Variants in SBF2 observed in about 807,000 individuals in gnomAD.
SBF2 encodes the protein myotubularin-related protein 13.
Under a neutral mutation model 225.2 loss-of-function variants are expected in SBF2, and 112 were observed. That is an observed-to-expected ratio of 0.50 (90% CI 0.43 to 0.58). The LOEUF (loss-of-function observed/expected upper bound fraction) is 0.58. Ranked by LOEUF, SBF2 falls within the 20% of genes least tolerant of loss-of-function variation. SBF2 has a pLI of 0.00. For synonymous variants in SBF2, 763 were observed against 773.3 expected, an observed-to-expected ratio of 0.99 and a Z score of 0.22; for missense variants, 1,996 against 2,206.2, an observed-to-expected ratio of 0.90 and a Z score of 1.91.
At chr11:9,798,751 C>A (rs1013497299) in intron 32 of SBF2, among the ~76,000 whole-genome samples, 13 of 152,096 alleles carry the variant, frequency 8.5e-5, no homozygotes, top group Non-Finnish European at 1.0e-4. Flanking sequence ...TTGAGACCAT[C>A]CTGGTTAACA....
chr11:10,199,132 T>A (rs926681095), intron 1 of SBF2, among the ~76,000 whole-genome samples: 29 of 152,302 alleles, frequency 1.9e-4, no homozygotes, highest in African/African-American at 5.1e-4. Flanking sequence ...ATTCTTCCTT[T>A]CACTTGACCA....
chr11:10,146,153 G>T (rs866083361), intron 2 of SBF2, among the ~76,000 whole-genome samples: 8 of 152,114 alleles, frequency 5.3e-5, no homozygotes, highest in Non-Finnish European at 1.0e-4. Flanking sequence ...ATTGCCCAAA[G>T]AAATTTATAG....
chr11:10,036,254 C>A (rs1174141722), intron 3 of SBF2, among the ~76,000 whole-genome samples: 1 of 151,900 alleles, frequency 6.6e-6, no homozygotes, highest in African/African-American at 2.4e-5. Context: ...CACACTGGGG[C>A]CTGTCAGTGG....
chr11:9,971,889 T>C (rs1946475115), intron 13 of SBF2, among the ~76,000 whole-genome samples: 1 of 152,224 alleles, frequency 6.6e-6, no homozygotes, highest in Admixed American at 6.5e-5. Context: ...TAATAATTAA[T>C]ACAGTACAAC....
At chr11:10,210,982 C>T (rs1478319151) in intron 1 of SBF2, among the ~76,000 whole-genome samples, 3 of 117,146 alleles carry the variant, frequency 2.6e-5, no homozygotes, top group Non-Finnish European at 5.0e-5. Context: ...CACTGCACTC[C>T]AGCCTGGGCG....
At chr11:9,980,306 A>AG (rs1017802129) in intron 13 of SBF2, among the ~76,000 whole-genome samples, 1 of 150,874 alleles carries the variant, frequency 6.6e-6, no homozygotes, top group African/African-American at 2.4e-5. Context: ...AAAAAAAAAA[A>AG]AAAAAAATTT....
intron 1 of SBF2, among the ~76,000 whole-genome samples, chr11:10,279,414 A>AC (rs1183811304): frequency 1.8e-5 from 1 of 56,034 alleles, no homozygotes; most frequent in Non-Finnish European, 4.6e-5. Flanking sequence ...ACTCCATCTC[A>AC]AAAAAAAAAA....
At chr11:10,189,971 G>C (rs1006826151) in intron 2 of SBF2, among the ~76,000 whole-genome samples, 3 of 152,098 alleles carry the variant, frequency 2.0e-5, no homozygotes, top group Non-Finnish European at 4.4e-5. Context: ...GACCAACATG[G>C]TGAAACCCTG....
chr11:9,828,911 C>G, intron 28 of SBF2, among the ~76,000 whole-genome samples: 1 of 149,642 alleles, frequency 6.7e-6, no homozygotes, highest in East Asian at 1.9e-4. Context: ...AATAACTGAG[C>G]TGGGTATGAT....
At chr11:10,289,984 T>C (rs892161516) in intron 1 of SBF2, among the ~76,000 whole-genome samples, 12 of 152,118 alleles carry the variant, frequency 7.9e-5, no homozygotes, top group African/African-American at 2.4e-4. Context: ...ACCAGCATCA[T>C]TGCTGCTCCC....
chr11:10,184,163 G>A (rs1956842517), intron 2 of SBF2, among the ~76,000 whole-genome samples: 1 of 152,044 alleles, frequency 6.6e-6, no homozygotes, highest in African/African-American at 2.4e-5. Context: ...GATAACACAT[G>A]CTTTTCTTTC....
At chr11:10,177,882 C>A (rs1956540686) in intron 2 of SBF2, among the ~76,000 whole-genome samples, 1 of 149,978 alleles carries the variant, frequency 6.7e-6, no homozygotes, top group South Asian at 2.1e-4. Flanking sequence ...CCTGCATTGC[C>A]AAGACAATCC....
chr11:9,797,846 G>T (rs1853225913), intron 32 of SBF2, among the ~76,000 whole-genome samples: 1 of 152,146 alleles, frequency 6.6e-6, no homozygotes, highest in Admixed American at 6.5e-5. Flanking sequence ...GGTGGCACGT[G>T]CCTGTAGCCC....
In SBF2 at chr11:9,999,279, CTGTATGTATGTA is replaced by C. The variant is rs3073236; in HGVS notation, c.862-912_862-901del. Reference sequence around the variant, plus strand: ...ACTTGGTTGGTCCTACCTCCAGTGACTGTATGTATGTATGTATGTATGTATGTATGTATGTAT... The same window carrying C: ...ACTTGGTTGGTCCTACCTCCAGTGACTGTATGTATGTATGTATGTATGTAT... On this transcript the variant is annotated intron_variant, in intron 8 of 39. Transcript: ENST00000256190. Among the ~76,000 whole-genome samples, 294 of 146,866 alleles carry C rather than the reference CTGTATGTATGTA, an allele frequency of 2.0e-3. 2 individuals are homozygous for C. The highest frequency in any genetic ancestry group is 4.6e-3 in the African/African-American group (183 of 39,942).
upstream of SBF2, among the ~76,000 whole-genome samples, chr11:10,298,881 T>C (rs1384565997): frequency 6.6e-6 from 1 of 152,198 alleles, no homozygotes; most frequent in Non-Finnish European, 1.5e-5. Context: ...TTCTTAACTG[T>C]TTTCCCAGCT....
At chr11:9,996,036 G>A (rs1484001743) in intron 9 of SBF2, among the ~76,000 whole-genome samples, 2 of 152,026 alleles carry the variant, frequency 1.3e-5, no homozygotes, top group African/African-American at 2.4e-5. Flanking sequence ...ATAACAATAC[G>A]TATACTCAGT....
rs199598025 is a variant in SBF2, at chr11:9,939,118, GAC to G, written c.1860+22837_1860+22838del. Among the ~76,000 whole-genome samples the G allele has an allele frequency of 8.2e-3, 1,246 of 152,048 alleles. 12 individuals carry two copies. Among genetic ancestry groups the G allele is most frequent in the Middle Eastern group, 0.031 (9 of 294 alleles). On this transcript the variant is annotated intron_variant, in intron 16 of 39. Transcript: ENST00000256190. Reference sequence around the variant, plus strand: ...TTATTTATTTTATTTTACTTTTTGAGACAGAGTCTCACTGTCGCCTAGGCTGG... The same window carrying G: ...TTATTTATTTTATTTTACTTTTTGAGAGAGTCTCACTGTCGCCTAGGCTGG...
At position 10,265,202 on chromosome 11, in the gene SBF2, T is replaced by G. The variant is rs539081175; in HGVS notation, c.55+28813A>C. On this transcript the variant is annotated intron_variant, in intron 1 of 39. Transcript: ENST00000256190. ...AACTAATTCACCCTCCCACCAACAATGTAAAAGCATTCCTATTTCTCCGCA... is the reference window on the plus strand; with the variant it reads ...AACTAATTCACCCTCCCACCAACAAGGTAAAAGCATTCCTATTTCTCCGCA... Among the ~76,000 whole-genome samples, 7 of 152,252 alleles carry G rather than the reference T, an allele frequency of 4.6e-5. No homozygotes were observed. In the South Asian group the frequency reaches 1.5e-3, roughly 32 times the overall value.
chr11:9,936,513 T>C lies in SBF2; in HGVS notation c.1860+25444A>G, dbSNP rs545621617. On this transcript the variant is annotated intron_variant, in intron 16 of 39. Transcript: ENST00000256190. ...AAAGACACATGCACATGTATGTTTA[T>C]TGCAGCACTATTCACAATAGCAAAG... Among the ~76,000 whole-genome samples the C allele has an allele frequency of 8.7e-4, 132 of 152,320 alleles. 2 individuals are homozygous for C. The highest frequency in any genetic ancestry group is 2.6e-4 in the Non-Finnish European group (18 of 68,024).
Sources: gnomAD v4.1 joint callset for allele counts (sites outside exome capture counted in the v4.1 genomes callset) on GRCh38, gnomAD v4.1.1 for gene constraint, MANE v1.5 for transcripts, NCBI Gene and HGNC (gene_info 2026-07-23, HGNC 2026-07-21) for gene names.